The following GALNT13 variants were observed in gnomAD, a reference collection of about 807,000 sequenced individuals.
GALNT13 encodes UDP-GalNAc:polypeptide N-acetylgalactosaminyltransferase 13.
GALNT13 carries 28 observed loss-of-function variants against 64.2 expected under a neutral mutation model. The observed-to-expected ratio is 0.44, with a 90% CI of 0.32 to 0.60. The LOEUF (loss-of-function observed/expected upper bound fraction) is 0.60, where lower values mean the gene tolerates loss of function less well. Ranked by LOEUF, GALNT13 falls within the 20% of genes least tolerant of loss-of-function variation. The pLI is 0.05. For missense variants in GALNT13, 577 were observed against 669.8 expected (o/e 0.86, Z 1.53); for synonymous variants, 214 against 224.6 (o/e 0.95, Z 0.42).
chr2:154,328,372 A>G (rs1261591058), intron 9 of GALNT13, among the ~76,000 whole-genome samples: 1 of 151,878 alleles, frequency 6.6e-6, no homozygotes, highest in East Asian at 1.9e-4. Context: ...ACACTGATTC[A>G]TTTTCACTGG....
the GALNT13 span, among the ~76,000 whole-genome samples, chr2:153,669,159 C>T: frequency 6.6e-6 from 1 of 152,178 alleles, no homozygotes; most frequent in Admixed American, 6.5e-5. Flanking sequence ...GGCAGAGTGG[C>T]CCCACCAACA....
the GALNT13 span, among the ~76,000 whole-genome samples, chr2:153,725,930 A>G: frequency 1.3e-5 from 2 of 151,902 alleles, no homozygotes; most frequent in African/African-American, 2.4e-5. Flanking sequence ...TTTTTAAATT[A>G]TGCTTTTAAT....
At chr2:153,318,499 C>A in the GALNT13 span, among the ~76,000 whole-genome samples, 1 of 152,182 alleles carries the variant, frequency 6.6e-6, no homozygotes. Flanking sequence ...GTCCTGTAAG[C>A]TCTGACAGGC....
intron 9 of GALNT13, among the ~76,000 whole-genome samples, chr2:154,305,218 T>C (rs1226993263): frequency 6.6e-6 from 1 of 152,204 alleles, no homozygotes; most frequent in Non-Finnish European, 1.5e-5. Flanking sequence ...AATCATACAC[T>C]TCTTTGCTAT....
the GALNT13 span, among the ~76,000 whole-genome samples, chr2:153,328,286 A>G: frequency 6.6e-6 from 1 of 151,126 alleles, no homozygotes; most frequent in African/African-American, 2.4e-5. Flanking sequence ...GGGGTCAGGG[A>G]CCCACCTGAG....
intron 9 of GALNT13, among the ~76,000 whole-genome samples, chr2:154,302,995 T>C (rs976731194): frequency 7.2e-5 from 11 of 152,156 alleles, no homozygotes; most frequent in African/African-American, 2.7e-4. Context: ...TTTCGAAATA[T>C]GGCAAAGAAA....
At chr2:154,318,234 A>G (rs904511233) in intron 9 of GALNT13, among the ~76,000 whole-genome samples, 1 of 152,200 alleles carries the variant, frequency 6.6e-6, no homozygotes, top group Non-Finnish European at 1.5e-5. Flanking sequence ...AATATTTCTA[A>G]GTTTAAAGTT....
chr2:154,324,392 G>C (rs1040033264), intron 9 of GALNT13, among the ~76,000 whole-genome samples: 1 of 151,776 alleles, frequency 6.6e-6, no homozygotes, highest in African/African-American at 2.4e-5. Context: ...TCTCAACTTT[G>C]TCCACTGGAG....
chr2:153,755,622 G>A, the GALNT13 span, among the ~76,000 whole-genome samples: 1 of 152,064 alleles, frequency 6.6e-6, no homozygotes, highest in Admixed American at 6.6e-5. Flanking sequence ...AGTGTTTTGA[G>A]TTACTTATAT....
chr2:153,616,606 A>G, the GALNT13 span, among the ~76,000 whole-genome samples: 1 of 151,748 alleles, frequency 6.6e-6, no homozygotes, highest in Non-Finnish European at 1.5e-5. Context: ...AGTTTCTTTC[A>G]TCAGTGTTTT....
At chr2:153,101,805 G>A in the GALNT13 span, among the ~76,000 whole-genome samples, 114 of 152,278 alleles carry the variant, frequency 7.5e-4, 1 homozygote, top group Non-Finnish European at 1.2e-3. Context: ...ACATATGCAC[G>A]TGCTCATGCA....
At chr2:153,709,363 T>C in the GALNT13 span, among the ~76,000 whole-genome samples, 1 of 152,076 alleles carries the variant, frequency 6.6e-6, no homozygotes, top group African/African-American at 2.4e-5. Context: ...AAAGAAAACA[T>C]ATAAATGGCT....
At chr2:153,397,814 G>A in the GALNT13 span, among the ~76,000 whole-genome samples, 1 of 152,020 alleles carries the variant, frequency 6.6e-6, no homozygotes, top group Non-Finnish European at 1.5e-5. Flanking sequence ...TTCTCTATAT[G>A]ACTCAGAGAA....
At chr2:154,257,134 G>A (rs1690423331) in intron 7 of GALNT13, among the ~76,000 whole-genome samples, 3 of 152,052 alleles carry the variant, frequency 2.0e-5, no homozygotes, top group Admixed American at 6.5e-5. Flanking sequence ...TTGAAGAATT[G>A]TAATTTTATT....
the GALNT13 span, among the ~76,000 whole-genome samples, chr2:153,336,776 G>C: frequency 2.0e-5 from 3 of 152,136 alleles, no homozygotes; most frequent in Non-Finnish European, 4.4e-5. Flanking sequence ...ATTTGGAGGG[G>C]CTAGGGGTAG....
the GALNT13 span, among the ~76,000 whole-genome samples, chr2:153,574,970 G>A: frequency 5.8e-3 from 882 of 152,150 alleles, 11 homozygotes; most frequent in Admixed American, 0.018. Context: ...GTCATTTATT[G>A]TAGTCTTCAC....
the GALNT13 span, among the ~76,000 whole-genome samples, chr2:153,826,684 T>A: frequency 3.9e-5 from 6 of 152,206 alleles, no homozygotes; most frequent in South Asian, 1.2e-3. Flanking sequence ...CCTATAGCTA[T>A]TTTATGACAA....
intron 4 of GALNT13, among the ~76,000 whole-genome samples, chr2:154,162,697 G>A (rs1558997469): frequency 1.3e-5 from 2 of 152,288 alleles, no homozygotes; most frequent in South Asian, 4.1e-4. Flanking sequence ...GTTAAATACT[G>A]TAAGATTTTT....
Position 153,907,322 on chromosome 2 carries a change from C to T in GALNT13, c.-105+6315C>T, listed in dbSNP as rs186374235. Among the ~76,000 whole-genome samples the T allele has an allele frequency of 6.5e-3, 981 of 151,540 alleles. 8 individuals carry two copies. Among genetic ancestry groups the T allele is most frequent in the African/African-American group, 0.022 (907 of 41,360 alleles). On this transcript the variant is annotated intron_variant, in intron 2 of 12. Transcript: ENST00000392825. ...GTTTAATATTAAGATTATATATATA[C>T]ACACACACATATAATTATATACATA...
Sources: allele counts gnomAD v4.1 joint callset (sites outside exome capture counted in the v4.1 genomes callset), GRCh38; gene constraint gnomAD v4.1.1; transcripts MANE v1.5; gene names NCBI Gene and HGNC (gene_info 2026-07-23, HGNC 2026-07-21).